Variants in MADD observed in about 807,000 individuals in gnomAD.
MADD encodes the protein MAP kinase activating death domain, also known as MAP kinase-activating death domain protein.
A neutral mutation model predicts 176.7 loss-of-function variants in MADD; 109 were observed. The observed-to-expected ratio is 0.62, with a 90% CI of 0.53 to 0.72. The LOEUF is 0.72. MADD is among the 30% of genes least tolerant of loss of function. The pLI is 0.00. For missense variants in MADD, 1,914 were observed against 2,045.5 expected, an observed-to-expected ratio of 0.94 and a Z score of 1.24; for synonymous variants, 771 against 771.3, an observed-to-expected ratio of 1.00 and a Z score of 0.01.
chr11:47,285,818 G>C (rs966096443), intron 14 of MADD, among the ~76,000 whole-genome samples: 2 of 152,154 alleles, frequency 1.3e-5, no homozygotes, highest in African/African-American at 4.8e-5. Flanking sequence ...TTTCAGGTAA[G>C]ACAGCTGGAT....
At chr11:47,324,656 C>A in intron 30 of MADD, 79 bp downstream of exon 33, 2 of 970,518 alleles carry the variant, frequency 2.1e-6, no homozygotes, top group East Asian at 2.5e-5. Context: ...CAGTACTTCC[C>A]CAGCAAGCAT....
intron 22 of MADD, among the ~76,000 whole-genome samples, chr11:47,303,081 A>G (rs1370410671): frequency 6.6e-6 from 1 of 152,018 alleles, no homozygotes; most frequent in Non-Finnish European, 1.5e-5. Flanking sequence ...TTTCTGAAGC[A>G]CAACTTTGCT....
exon 24 of MADD, chr11:47,309,370 A>G (rs1202232571): frequency 6.2e-7 from 1 of 1,614,210 alleles, no homozygotes; most frequent in Non-Finnish European, 8.5e-7. Flanking sequence ...AGGGATGGGT[A>G]TGGACCAGGG....
intron 22 of MADD, among the ~76,000 whole-genome samples, chr11:47,306,645 G>C (rs1213906499): frequency 6.6e-6 from 1 of 151,848 alleles, no homozygotes; most frequent in Non-Finnish European, 1.5e-5. Context: ...GAAGGGGGAT[G>C]GGGGGGAGGC....
exon 31 of MADD, chr11:47,326,772 A>G: frequency 6.2e-7 from 1 of 1,614,120 alleles, no homozygotes; most frequent in Non-Finnish European, 8.5e-7. Flanking sequence ...AAAAAGTGCA[A>G]TACAGTTCGA....
chr11:47,319,204 T>C (rs2093900324), intron 27 of MADD, among the ~76,000 whole-genome samples: 1 of 150,248 alleles, frequency 6.7e-6, no homozygotes, highest in Non-Finnish European at 1.5e-5. Flanking sequence ...CAATCTTGGC[T>C]CACTGCAACA....
Position 47,329,036 on chromosome 11 carries a change from T to G in MADD, c.4660-10T>G. The stretch of plus-strand genomic sequence containing the variant: ...CAGTATCGTGATCCGCCTGGTTTTC[T>G]CTCCTCTAGGCCCACGAAATCTGCT... On this transcript the variant is annotated splice_polypyrimidine_tract_variant and intron_variant, in intron 32 of 32. Coordinates refer to ENST00000402192, the Ensembl canonical transcript of MADD. 6.8e-6 allele frequency: 11 copies of G among 1,607,410 alleles called. No homozygotes were observed. Among genetic ancestry groups the G allele is most frequent in the Non-Finnish European group, 9.4e-6 (11 of 1,173,882 alleles).
exon 27 of MADD, chr11:47,315,239 T>C (rs1378664153): frequency 1.9e-6 from 3 of 1,613,180 alleles, no homozygotes; most frequent in Non-Finnish European, 1.7e-6. Flanking sequence ...GATCTCTCTA[T>C]CTGGTCCAGT....
chr11:47,282,925 T>C (rs773474076), exon 10 of MADD: 1 of 1,613,920 alleles, frequency 6.2e-7, no homozygotes, highest in Admixed American at 1.7e-5. Flanking sequence ...AGGCCCTGAG[T>C]GTACCACCAG....
chr11:47,295,361 C>T, intron 20 of MADD, 135 bp from the exon 23 acceptor site: 1 of 664,006 alleles, frequency 1.5e-6, no homozygotes. Flanking sequence ...ATTCTGGAAA[C>T]AAAAGTTGCT....
intron 28 of MADD, 85 bp downstream of exon 31, chr11:47,323,920 AAC>A (rs1434426171): frequency 3.5e-6 from 5 of 1,445,966 alleles, no homozygotes; most frequent in African/African-American, 1.4e-5. Context: ...AAAATTCCAA[AAC>A]ACACATCTGG....
In MADD at chr11:47,281,571, A is replaced by G. The variant is rs1392731286; in HGVS notation, c.1291-4A>G. ...GTGTAAGGAATTTTCTTGTTGTTCC[A>G]CAGGCCTTGGCCAGCATGAGTCTCA... On this transcript the variant is annotated splice_region_variant and splice_polypyrimidine_tract_variant and intron_variant, in intron 7 of 32. Coordinates refer to ENST00000402192, the Ensembl canonical transcript of MADD. 3 of 1,593,458 alleles carry G rather than the reference A, an allele frequency of 1.9e-6. No individual in the cohort carries two copies. The Admixed American group carries it at 5.1e-5, about 27-fold the overall frequency.
At position 47,300,270 on chromosome 11, in the gene MADD, G is replaced by A. The variant is rs539903512; in HGVS notation, c.3642+4215G>A. 3.8e-4 allele frequency among the ~76,000 whole-genome samples: 56 copies of A among 147,662 alleles called. No individual in the cohort carries two copies. In the East Asian group the frequency reaches 7.7e-3, roughly 20 times the overall value. ...TGCCCAGGCTGGAGTGCAGTTGTGC[G>A]ATCTCGGCTCACTGCTACCCCCGCC... On this transcript the variant is annotated intron_variant, in intron 22 of 32. Coordinates refer to ENST00000402192, the Ensembl canonical transcript of MADD.
At chr11:47,309,439 C>T in intron 24 of MADD, 38 bp downstream of exon 27, 3 of 1,614,048 alleles carry the variant, frequency 1.9e-6, no homozygotes, top group Non-Finnish European at 2.5e-6. Flanking sequence ...TCAGCAAACT[C>T]AGCCTCCTCC....
exon 13 of MADD, chr11:47,285,143 A>G: frequency 6.2e-7 from 1 of 1,614,096 alleles, no homozygotes; most frequent in Non-Finnish European, 8.5e-7. Flanking sequence ...GATGAGGATG[A>G]GCAGGGGGAA....
chr11:47,320,034 T>C (rs1316473626), intron 27 of MADD, among the ~76,000 whole-genome samples: 1 of 151,190 alleles, frequency 6.6e-6, no homozygotes, highest in East Asian at 1.9e-4. Context: ...GTTAAATAAT[T>C]TGCTTTTTTC....
At position 47,311,528 on chromosome 11, in the gene MADD, C is replaced by T. The variant is rs185847708; in HGVS notation, c.3979-204C>T. ...TCTAAGAGCCACTTTTCTGCAGAAG[C>T]TAACTAGAGACAGAGCCAGGACTTT... On this transcript the variant is annotated intron_variant, in intron 25 of 32. Transcript: ENST00000402192. Among the ~76,000 whole-genome samples, 336 of 152,292 alleles carry T rather than the reference C, an allele frequency of 2.2e-3. 1 individual carries two copies. The highest frequency in any genetic ancestry group is 3.8e-3 in the Admixed American group (58 of 15,292).
intron 19 of MADD, among the ~76,000 whole-genome samples, chr11:47,292,945 G>C (rs957012472): frequency 1.3e-4 from 20 of 152,202 alleles, no homozygotes; most frequent in African/African-American, 4.3e-4. Context: ...AGTTGGCAGA[G>C]ATGGTTGCTG....
intron 22 of MADD, among the ~76,000 whole-genome samples, chr11:47,306,614 C>T (rs950658294): frequency 3.9e-5 from 6 of 151,938 alleles, no homozygotes; most frequent in Non-Finnish European, 7.4e-5. Context: ...CCTCCTTGTT[C>T]CCAGCTGATC....
Sources: gnomAD v4.1 joint callset for allele counts (sites outside exome capture counted in the v4.1 genomes callset) on GRCh38, gnomAD v4.1.1 for gene constraint, MANE v1.5 for transcripts, NCBI Gene and HGNC (gene_info 2026-07-23, HGNC 2026-07-21) for gene names.